Variants in SKOR2 observed in about 807,000 individuals in gnomAD.
SKOR2 encodes SKI family transcriptional corepressor 2.
A neutral mutation model predicts 69.1 loss-of-function variants in SKOR2; 47 were observed. The ratio of observed to expected loss-of-function variants is 0.68; its 90% confidence interval spans 0.54 to 0.87. SKOR2 has a LOEUF of 0.87. Among genes scored for constraint, SKOR2 ranks in the 40% least tolerant of loss-of-function variants. The pLI is 0.00. For synonymous variants in SKOR2, 717 were observed against 672.6 expected (o/e 1.07, Z -1.02); for missense variants, 1,404 against 1,472.2 (o/e 0.95, Z 0.76).
intron 4 of SKOR2, among the ~76,000 whole-genome samples, chr18:47,242,194 A>G (rs2064252224): frequency 6.6e-6 from 1 of 152,180 alleles, no homozygotes; most frequent in Non-Finnish European, 1.5e-5. Flanking sequence ...TAAAGCCAGG[A>G]ATTTGTTTTC....
intron 6 of SKOR2, among the ~76,000 whole-genome samples, chr18:47,225,374 C>T (rs1318583968): frequency 1.3e-5 from 2 of 152,214 alleles, no homozygotes; most frequent in Non-Finnish European, 2.9e-5. Context: ...GCCCTGGATA[C>T]TCACCTTTAT....
chr18:47,225,524 G>A (rs2064175648), intron 6 of SKOR2, among the ~76,000 whole-genome samples: 1 of 152,194 alleles, frequency 6.6e-6, no homozygotes, highest in African/African-American at 2.4e-5. Context: ...GGCAACAGAA[G>A]AACATTCTGG....
At position 47,207,351 on chromosome 18, in the gene SKOR2, G is replaced by A. The variant is rs73442856; in HGVS notation, c.*4-459C>T. On this transcript the variant is annotated intron_variant, in intron 8 of 8. Transcript: ENST00000425639. ...ATATTTATAACTGATAATACAAGATGTGAATTAGGCCATGATTTTAGGTGA... is the reference window on the plus strand; with the variant it reads ...ATATTTATAACTGATAATACAAGATATGAATTAGGCCATGATTTTAGGTGA... Among the ~76,000 whole-genome samples the A allele has an allele frequency of 4.4e-3, 674 of 152,316 alleles. 4 individuals carry two copies. Among genetic ancestry groups the A allele is most frequent in the African/African-American group, 0.016 (654 of 41,570 alleles).
chr18:47,207,739 C>CT (rs895924880), intron 8 of SKOR2, among the ~76,000 whole-genome samples: 3 of 152,058 alleles, frequency 2.0e-5, no homozygotes, highest in South Asian at 2.1e-4. Flanking sequence ...ATCCAATATC[C>CT]TTTTTTAAAA....
In SKOR2 at chr18:47,247,551, G is replaced by A. The variant is rs2064285717; in HGVS notation, c.1633C>T (p.Pro545Ser). 5.7e-6 allele frequency: 7 copies of A among 1,225,422 alleles called. No individual in the cohort carries two copies. In the African/African-American group the frequency reaches 6.3e-5, roughly 11 times the overall value. 75.9% of individuals were successfully genotyped at this position (1,225,422 alleles called of 1,614,324 possible). A position where few individuals can be genotyped will look rare whatever the true frequency, so the allele number is the denominator to read the frequency against. The change falls in exon 2 of 9, where the codon CCT (proline) becomes TCT (serine). Residue 545 changes from proline (P) to serine (S), a missense_variant. Around this residue, in one of 3 missense-constraint regions of SKOR2, gnomAD observed 1,266 missense variants for 1,309.9 expected, o/e 0.97. Transcript: ENST00000425639. This position sits in a 1 kb window ranked among gnomAD's most constrained non-coding sequence, Gnocchi z 6.6. The part of the protein sequence containing the change: ...VVANGPGSGP[P>S]PPAGGAGSRD... ...GAGCCGGCGCCCCCGGCAGGAGGAGGTGGGCCGGAGCCCGGGCCGTTGGCC... is the reference window on the plus strand; with the variant it reads ...GAGCCGGCGCCCCCGGCAGGAGGAGATGGGCCGGAGCCCGGGCCGTTGGCC...
intron 7 of SKOR2, among the ~76,000 whole-genome samples, chr18:47,213,867 A>G (rs961336238): frequency 6.6e-6 from 1 of 152,210 alleles, no homozygotes; most frequent in African/African-American, 2.4e-5. Context: ...TATAGCTGCT[A>G]TTAACACAGA....
At chr18:47,220,982 G>C (rs2064159448) in intron 6 of SKOR2, among the ~76,000 whole-genome samples, 1 of 151,992 alleles carries the variant, frequency 6.6e-6, no homozygotes, top group Admixed American at 6.6e-5. Context: ...CCCACGTGCA[G>C]GCACCTCATC....
In SKOR2 at chr18:47,236,218, T is replaced by C. The variant is rs563197684; in HGVS notation, c.2753-5218A>G. On this transcript the variant is annotated intron_variant, in intron 4 of 8. Transcript: ENST00000425639. ...GTTGCCCAGGCTGGTCTTGAACCCC[T>C]GAGCTCATGTGATCCATCCATCTCG... 2.0e-5 allele frequency among the ~76,000 whole-genome samples: 3 copies of C among 152,326 alleles called. No individual in the cohort carries two copies. The East Asian group carries it at 5.8e-4, about 29-fold the overall frequency.
chr18:47,212,703 T>C (rs1040402964), intron 7 of SKOR2, among the ~76,000 whole-genome samples: 3 of 152,196 alleles, frequency 2.0e-5, no homozygotes, highest in Admixed American at 1.3e-4. Flanking sequence ...CTGGGTGCGG[T>C]GGCTCACACC....
intron 6 of SKOR2, among the ~76,000 whole-genome samples, chr18:47,227,827 T>C (rs1405008067): frequency 6.6e-6 from 1 of 152,172 alleles, no homozygotes; most frequent in Non-Finnish European, 1.5e-5. Context: ...TTGCCCCATT[T>C]TACAGTTTCC....
At chr18:47,223,586 C>A (rs1414488189) in intron 6 of SKOR2, among the ~76,000 whole-genome samples, 1 of 152,200 alleles carries the variant, frequency 6.6e-6, no homozygotes, top group African/African-American at 2.4e-5. Flanking sequence ...TAATGTCCAA[C>A]ATAACAGTAT....
chr18:47,218,103 A>G (rs1313406373), intron 7 of SKOR2, among the ~76,000 whole-genome samples: 1 of 152,120 alleles, frequency 6.6e-6, no homozygotes, highest in Non-Finnish European at 1.5e-5. Context: ...AGACAATATA[A>G]TTTCCTCTTT....
At chr18:47,233,095 AC>A (rs2064206391) in intron 4 of SKOR2, among the ~76,000 whole-genome samples, 1 of 152,176 alleles carries the variant, frequency 6.6e-6, no homozygotes, top group South Asian at 2.1e-4. Context: ...GTGAAAATAT[AC>A]ACAAATATTC....
chr18:47,223,536 A>T (rs1302032178), intron 6 of SKOR2, among the ~76,000 whole-genome samples: 1 of 152,254 alleles, frequency 6.6e-6, no homozygotes, highest in East Asian at 1.9e-4. Context: ...GCAAAGACTT[A>T]GTTACAAGGG....
intron 6 of SKOR2, among the ~76,000 whole-genome samples, chr18:47,228,830 A>G (rs1159526581): frequency 1.3e-5 from 2 of 152,234 alleles, no homozygotes; most frequent in Non-Finnish European, 2.9e-5. Flanking sequence ...AAGTATCACA[A>G]TATTCCTAAT....
At chr18:47,238,320 C>CTTTTTTTTT (rs772229985) in intron 4 of SKOR2, among the ~76,000 whole-genome samples, 25 of 108,050 alleles carry the variant, frequency 2.3e-4, no homozygotes, top group East Asian at 7.3e-4. Context: ...CTTTTCTTTT[C>CTTTTTTTTT]TTTTTTTTTT....
Position 47,247,720 on chromosome 18 carries a change from C to CG in SKOR2, c.1463dup (p.Pro489AlafsTer27). 7.4e-7 allele frequency: 1 copy of CG among 1,360,412 alleles called. No homozygotes were observed. The highest frequency in any genetic ancestry group is 1.8e-5 in the South Asian group (1 of 55,870). 84.3% of individuals were successfully genotyped at this position (1,360,412 alleles called of 1,614,324 possible). ...AGCCTAGCGCCGAGGGCGGCTGAGG[C>CG]GGGGGCTGCAGGTAGGTGGGCACCG... is the stretch of plus-strand genomic sequence containing the variant. On this transcript the variant is annotated frameshift_variant, in exon 2 of 9. Coordinates refer to ENST00000425639, the MANE Select transcript of SKOR2 (RefSeq NM_001278063.4). LOFTEE classifies it high-confidence loss of function. This position sits in a 1 kb window ranked among gnomAD's most constrained non-coding sequence, Gnocchi z 6.6.
Position 47,247,116 on chromosome 18 carries a change from G to T in SKOR2, c.2068C>A (p.Arg690Ser), listed in dbSNP as rs1477190900. The T allele has an allele frequency of 6.1e-6, 8 of 1,301,344 alleles. No homozygotes were observed. Among genetic ancestry groups the T allele is most frequent in the Non-Finnish European group, 6.8e-6 (7 of 1,033,890 alleles). The allele number at this position is 1,301,344 out of a possible 1,614,324, so 80.6% of individuals were successfully genotyped here. A position where few individuals can be genotyped will look rare whatever the true frequency, so the allele number is the denominator to read the frequency against. ...GGCGGCGGCGGGGCCGGGTGGTGGC[G>T]CTCGGAACCCGGCTCGTCGGGCTGC... ...PPQPDEPGSE[R>S]HHPAPPPPPP... The change falls in exon 2 of 9, where the codon CGC becomes AGC. Residue 690 changes from arginine (R) to serine (S), a missense_variant. Arg to Ser is a moderately radical substitution (Grantham distance 110). Coordinates refer to ENST00000425639, the MANE Select transcript of SKOR2 (RefSeq NM_001278063.4). This position sits in a 1 kb window ranked among gnomAD's most constrained non-coding sequence, Gnocchi z 6.6.
At position 47,248,589 on chromosome 18, in the gene SKOR2, T is replaced by C. The variant is rs1600052847; in HGVS notation, c.595A>G (p.Thr199Ala). ...HSHRTPDAKY[T>A]QPDAANFNSW... ...TTGAAGTTGGCTGCGTCTGGCTGAG[T>C]GTACTTGGCGTCGGGCGTGCGGTGG... is the stretch of plus-strand genomic sequence containing the variant. Residue 199 changes from threonine to alanine, a missense_variant, in exon 2 of 9, where the codon ACT becomes GCT. Physicochemically the swap from Thr to Ala is moderately conservative, Grantham distance 58. This residue lies in a region of SKOR2 where 1,266 missense variants were observed against 1,309.9 expected (regional missense o/e 0.97). Transcript: ENST00000425639. This position sits in a 1 kb window ranked among gnomAD's most constrained non-coding sequence, Gnocchi z 6.4. 1.9e-6 allele frequency: 3 copies of C among 1,540,388 alleles called. No homozygotes were observed. The highest frequency in any genetic ancestry group is 2.4e-5 in the South Asian group (2 of 84,268).
Sources: allele counts gnomAD v4.1 joint callset (sites outside exome capture counted in the v4.1 genomes callset), GRCh38; gene constraint gnomAD v4.1.1; regional missense constraint gnomAD v4.1.1; non-coding constraint Gnocchi (gnomAD v3.1); transcripts MANE v1.5; gene names NCBI Gene and HGNC (gene_info 2026-07-23, HGNC 2026-07-21).